The following RAD18 variants were observed in gnomAD, a reference collection of about 807,000 sequenced individuals.
RAD18 encodes E3 ubiquitin-protein ligase RAD18.
In RAD18, 47 loss-of-function variants were observed where a neutral mutation model predicts 60.4. That is an observed-to-expected ratio of 0.78 (90% CI 0.62 to 0.99). RAD18 has a LOEUF of 0.99. RAD18 is among the 50% of genes least tolerant of loss of function. RAD18 has a pLI of 0.00. For synonymous variants in RAD18, 225 were observed against 195.5 expected (o/e 1.15, Z -1.26); for missense variants, 640 against 593.3 (o/e 1.08, Z -0.82).
At position 8,948,378 on chromosome 3, in the gene RAD18, G is replaced by C. The variant is rs1274044328; in HGVS notation, c.195+131C>G. The stretch of plus-strand genomic sequence containing the variant: ...TACATGTACTTTAGAGGTCCTTTCT[G>C]AAAATGTCTTTCATATAGCTTAATT... On this transcript the variant is annotated intron_variant, in intron 3 of 12. Coordinates refer to ENST00000264926, the MANE Select transcript of RAD18 (RefSeq NM_020165.4). The C allele has an allele frequency of 8.2e-6, 6 of 729,792 alleles. No individual in the cohort carries two copies. The African/African-American group carries it at 1.1e-4, about 13-fold the overall frequency. 45.2% of individuals were successfully genotyped at this position (729,792 alleles called of 1,614,324 possible). A position where few individuals can be genotyped will look rare whatever the true frequency, so the allele number is the denominator to read the frequency against.
chr3:8,882,127 G>A (rs1380601989), intron 12 of RAD18, among the ~76,000 whole-genome samples: 1 of 112,992 alleles, frequency 8.9e-6, no homozygotes, highest in Non-Finnish European at 1.9e-5. Context: ...TGGCTACGGG[G>A]GACAGGAAGA....
intron 4 of RAD18, among the ~76,000 whole-genome samples, chr3:8,945,264 C>A (rs957124213): frequency 6.6e-6 from 1 of 152,016 alleles, no homozygotes; most frequent in Non-Finnish European, 1.5e-5. Flanking sequence ...ATGTGTAATT[C>A]TATTGAAAGA....
Position 8,913,654 on chromosome 3 carries a change from A to G in RAD18, c.956T>C (p.Leu319Pro), listed in dbSNP as rs748100221. Residue 319 changes from leucine to proline, a missense_variant, in exon 8 of 13, where the codon CTC (leucine) becomes CCC (proline). By Grantham distance (98) the Leu-to-Pro change is moderately conservative. Coordinates refer to ENST00000264926, the MANE Select transcript of RAD18 (RefSeq NM_020165.4). ...AGCCCATTAACATACACTTTCATTG[A>G]GTTTACTAGCTTCAAGACGCATCCT... is the stretch of plus-strand genomic sequence containing the variant. ...KTRMRLEASK[L>P]NESVMVFTKD... 1 of 1,558,992 alleles carries G rather than the reference A, an allele frequency of 6.4e-7. No homozygotes were observed. Among genetic ancestry groups the G allele is most frequent in the Admixed American group, 1.9e-5 (1 of 51,878 alleles).
At chr3:8,932,120 T>A (rs602193) in intron 7 of RAD18, among the ~76,000 whole-genome samples, 1 of 151,996 alleles carries the variant, frequency 6.6e-6, no homozygotes, top group African/African-American at 2.4e-5. Context: ...TGCAACACAA[T>A]TGTATACATA....
intron 11 of RAD18, among the ~76,000 whole-genome samples, chr3:8,896,106 G>A (rs531223815): frequency 2.0e-5 from 3 of 152,294 alleles, no homozygotes; most frequent in African/African-American, 7.2e-5. Context: ...TGGGCATGCT[G>A]TCTTCTGGAT....
chr3:8,903,420 C>T (rs1939949007), intron 9 of RAD18, among the ~76,000 whole-genome samples: 1 of 152,160 alleles, frequency 6.6e-6, no homozygotes, highest in Non-Finnish European at 1.5e-5. Flanking sequence ...TGTCCGTCTA[C>T]TCCAGCTCTC....
At chr3:8,962,351 A>G (rs576432629) in intron 1 of RAD18, among the ~76,000 whole-genome samples, 2 of 152,340 alleles carry the variant, frequency 1.3e-5, no homozygotes, top group South Asian at 2.1e-4. Context: ...GCTTTCCTGG[A>G]TCATTTCACA....
intron 4 of RAD18, among the ~76,000 whole-genome samples, chr3:8,942,507 A>C (rs1940769534): frequency 6.6e-6 from 1 of 152,212 alleles, no homozygotes. Flanking sequence ...CCTAACTTGC[A>C]TAAAAAACAA....
chr3:8,926,145 C>T (rs1040911672), intron 7 of RAD18, among the ~76,000 whole-genome samples: 3 of 152,164 alleles, frequency 2.0e-5, no homozygotes, highest in African/African-American at 4.8e-5. Context: ...GATGACATGA[C>T]TGTATATCTA....
chr3:8,914,573 C>G (rs564620307), intron 7 of RAD18, among the ~76,000 whole-genome samples: 1 of 152,128 alleles, frequency 6.6e-6, no homozygotes, highest in African/African-American at 2.4e-5. Flanking sequence ...AACCACAGAC[C>G]TTATGACGAT....
intron 11 of RAD18, among the ~76,000 whole-genome samples, chr3:8,898,395 T>C (rs1939838367): frequency 6.6e-6 from 1 of 151,780 alleles, no homozygotes; most frequent in South Asian, 2.1e-4. Context: ...TGTGTGTGTG[T>C]GTGTGTGTGT....
In RAD18 at chr3:8,885,488, G is replaced by A. The variant is rs559201907; in HGVS notation, c.1386-4029C>T. On this transcript the variant is annotated intron_variant, in intron 12 of 12. Coordinates refer to ENST00000264926, the MANE Select transcript of RAD18 (RefSeq NM_020165.4). Reference sequence around the variant, plus strand: ...TCTTTTAAAGGCACTATGAGATAGAGACAAAGAGTTAGCAAGATTTTTAAG... The same window carrying A: ...TCTTTTAAAGGCACTATGAGATAGAAACAAAGAGTTAGCAAGATTTTTAAG... Among the ~76,000 whole-genome samples the A allele has an allele frequency of 5.9e-4, 90 of 152,346 alleles. No individual in the cohort carries two copies. In the Middle Eastern group the frequency reaches 0.017, roughly 29 times the overall value.
chr3:8,927,658 C>A (rs1359127162), intron 7 of RAD18, among the ~76,000 whole-genome samples: 4 of 152,178 alleles, frequency 2.6e-5, no homozygotes, highest in African/African-American at 7.2e-5. Flanking sequence ...TAGGAACCAA[C>A]CCAAATGTCC....
At chr3:8,890,549 C>T (rs1486496951) in intron 11 of RAD18, 98 bp from the exon 12 acceptor site, 2 of 878,474 alleles carry the variant, frequency 2.3e-6, no homozygotes, top group South Asian at 1.8e-5. Context: ...TCTATAGTGA[C>T]AGAAAGCAAA....
intron 9 of RAD18, among the ~76,000 whole-genome samples, chr3:8,906,681 C>T (rs1398680532): frequency 7.4e-6 from 1 of 134,884 alleles, no homozygotes; most frequent in East Asian, 2.0e-4. Flanking sequence ...ATTCAACATT[C>T]ACCTCGTTTT....
chr3:8,963,209 G>T (rs558996067), intron 1 of RAD18, 126 bp downstream of exon 1: 4 of 1,080,028 alleles, frequency 3.7e-6, no homozygotes, highest in Non-Finnish European at 5.2e-6. Flanking sequence ...GGGCAGAGCC[G>T]GATACCCGGG....
chr3:8,925,448 C>A (rs148805508), intron 7 of RAD18, among the ~76,000 whole-genome samples: 87,289 of 152,000 alleles, frequency 0.57, 28,799 homozygotes, highest in Middle Eastern at 0.73. Context: ...AAGTCCAGGA[C>A]CAGACAGATT....
intron 2 of RAD18, among the ~76,000 whole-genome samples, chr3:8,951,083 C>A (rs1940919097): frequency 6.6e-6 from 1 of 152,054 alleles, no homozygotes; most frequent in Non-Finnish European, 1.5e-5. Context: ...ATGAAAGGAG[C>A]AGAAGAAATA....
chr3:8,892,550 A>T (rs1939710160), intron 11 of RAD18, among the ~76,000 whole-genome samples: 1 of 152,126 alleles, frequency 6.6e-6, no homozygotes, highest in African/African-American at 2.4e-5. Context: ...TTTCAGGTCA[A>T]AGTTGCAGAA....
Sources: gnomAD v4.1 joint callset for allele counts (sites outside exome capture counted in the v4.1 genomes callset) on GRCh38, gnomAD v4.1.1 for gene constraint, MANE v1.5 for transcripts, NCBI Gene and HGNC (gene_info 2026-07-23, HGNC 2026-07-21) for gene names.